FOXN3: variants seen among roughly 807,000 people sequenced by gnomAD.
The protein encoded by FOXN3 is forkhead box N3, also known as forkhead box protein N3.
A neutral mutation model predicts 38.4 loss-of-function variants in FOXN3; 7 were observed. The ratio of observed to expected loss-of-function variants is 0.18; its 90% CI spans 0.10 to 0.34. The LOEUF (loss-of-function observed/expected upper bound fraction) is 0.34. Ranked by LOEUF, FOXN3 falls within the 10% of genes least tolerant of loss-of-function variation. The pLI is 1.00. For synonymous variants in FOXN3, 230 were observed against 242.2 expected, an observed-to-expected ratio of 0.95 and a Z score of 0.47; for missense variants, 456 against 613.4, an observed-to-expected ratio of 0.74 and a Z score of 2.71.
At chr14:89,540,122 ATTGGTG>A (rs1894765867) in intron 1 of FOXN3, among the ~76,000 whole-genome samples, 1 of 152,206 alleles carries the variant, frequency 6.6e-6, no homozygotes, top group Non-Finnish European at 1.5e-5. Flanking sequence ...ACTCCTTCAA[ATTGGTG>A]TTTGCAGCAT....
At chr14:89,332,500 T>C (rs1312133430) in intron 3 of FOXN3, among the ~76,000 whole-genome samples, 1 of 152,200 alleles carries the variant, frequency 6.6e-6, no homozygotes, top group Non-Finnish European at 1.5e-5. Flanking sequence ...CCTTGTCCCT[T>C]AATGCTGGTC....
Position 89,180,795 on chromosome 14 carries a change from C to G in FOXN3, c.757G>C (p.Val253Leu). The change falls in exon 5 of 6, where the codon GTG (valine) becomes CTG (leucine). Residue 253 changes from valine to leucine, a missense_variant. Around this residue, in one of 3 missense-constraint regions of FOXN3, gnomAD observed 386 missense variants for 505.2 expected, o/e 0.76. Coordinates refer to ENST00000557258, the MANE Select transcript of FOXN3 (RefSeq NM_005197.4). ...AGGACCCGCGCTCCATTTTGGATCA[C>G]TCCTGGAGGAACTGAAAAAGCAAAG... ...NGALLQVPPG[V>L]IQNGARVLSR... is the part of the protein sequence containing the mutation. 1 of 1,608,142 alleles carries G rather than the reference C, an allele frequency of 6.2e-7. No homozygotes were observed. The highest frequency in any genetic ancestry group is 8.5e-7 in the Non-Finnish European group (1 of 1,176,448).
At chr14:89,491,471 CA>C (rs1283435300) in intron 1 of FOXN3, among the ~76,000 whole-genome samples, 1 of 152,190 alleles carries the variant, frequency 6.6e-6, no homozygotes, top group Non-Finnish European at 1.5e-5. Context: ...ACGGTGAGAG[CA>C]AATGCCTATG....
intron 1 of FOXN3, among the ~76,000 whole-genome samples, chr14:89,514,231 T>G (rs1016025499): frequency 4.6e-5 from 7 of 152,344 alleles, no homozygotes; most frequent in African/African-American, 1.4e-4. Flanking sequence ...CCACTCCTGC[T>G]GCACAGGGCC....
intron 4 of FOXN3, among the ~76,000 whole-genome samples, chr14:89,233,004 A>T (rs1884864497): frequency 6.6e-6 from 1 of 152,180 alleles, no homozygotes; most frequent in East Asian, 1.9e-4. Flanking sequence ...CCTTCCTTTC[A>T]GCCTGTGCTG....
chr14:89,186,073 G>A (rs954180887), intron 4 of FOXN3, among the ~76,000 whole-genome samples: 3 of 152,204 alleles, frequency 2.0e-5, no homozygotes, highest in Admixed American at 6.5e-5. Context: ...CCTTTGGAGG[G>A]CAGCCCTGGC....
chr14:89,244,364 T>G (rs565278360), intron 4 of FOXN3, among the ~76,000 whole-genome samples: 1 of 152,298 alleles, frequency 6.6e-6, no homozygotes, highest in African/African-American at 2.4e-5. Flanking sequence ...CTATAAGCCC[T>G]CCTATTGTAT....
chr14:89,202,841 C>T (rs146439831), intron 4 of FOXN3, among the ~76,000 whole-genome samples: 1 of 152,244 alleles, frequency 6.6e-6, no homozygotes, highest in Non-Finnish European at 1.5e-5. Context: ...GAACCATGAG[C>T]CAGATAAACC....
chr14:89,539,421 A>G (rs915640633), intron 1 of FOXN3, among the ~76,000 whole-genome samples: 1 of 152,244 alleles, frequency 6.6e-6, no homozygotes, highest in African/African-American at 2.4e-5. Flanking sequence ...AGTGAAAATG[A>G]TACATAAAAC....
chr14:89,412,978 A>G lies in FOXN3; in HGVS notation c.-14-488T>C, dbSNP rs565680214. Among the ~76,000 whole-genome samples, 546 of 152,344 alleles carry G rather than the reference A, an allele frequency of 3.6e-3. 2 individuals carry two copies. The highest frequency in any genetic ancestry group is 0.012 in the African/African-American group (509 of 41,582). On this transcript the variant is annotated intron_variant, in intron 1 of 5. Coordinates refer to ENST00000557258, the MANE Select transcript of FOXN3 (RefSeq NM_005197.4). This position sits in a 1 kb window ranked among gnomAD's most constrained non-coding sequence, Gnocchi z 4.7. Reference sequence around the variant, plus strand: ...TAGAGCTGGTGAAAAAAGTCAGGAGAGCAACTGCCAGTTTCAAGACAGCAA... The same window carrying G: ...TAGAGCTGGTGAAAAAAGTCAGGAGGGCAACTGCCAGTTTCAAGACAGCAA...
At chr14:89,294,208 C>T (rs1389607658) in intron 3 of FOXN3, among the ~76,000 whole-genome samples, 1 of 152,186 alleles carries the variant, frequency 6.6e-6, no homozygotes, top group African/African-American at 2.4e-5. Context: ...GCCTCTCTCC[C>T]CACAGCAGGC....
intron 2 of FOXN3, among the ~76,000 whole-genome samples, chr14:89,379,228 A>G (rs1012460987): frequency 6.6e-6 from 1 of 151,984 alleles, no homozygotes; most frequent in African/African-American, 2.4e-5. Context: ...TCCCCATCTG[A>G]CCTTCACTCG....
intron 2 of FOXN3, among the ~76,000 whole-genome samples, chr14:89,380,827 A>G (rs1465938784): frequency 2.0e-5 from 3 of 152,132 alleles, no homozygotes; most frequent in Non-Finnish European, 4.4e-5. Flanking sequence ...AGAGCTCTAC[A>G]TGTTAAGACT....
intron 1 of FOXN3, among the ~76,000 whole-genome samples, chr14:89,589,657 C>T (rs997864863): frequency 2.1e-5 from 3 of 140,898 alleles, no homozygotes; most frequent in Non-Finnish European, 3.0e-5. Context: ...AAGTTGGATG[C>T]TTTCTACCCT....
chr14:89,580,463 G>A (rs1177659635), intron 1 of FOXN3, among the ~76,000 whole-genome samples: 1 of 152,178 alleles, frequency 6.6e-6, no homozygotes, highest in Non-Finnish European at 1.5e-5. Flanking sequence ...CCACATAACA[G>A]TGCCATATAT....
At chr14:89,205,853 C>G (rs571847794) in intron 4 of FOXN3, among the ~76,000 whole-genome samples, 1 of 152,266 alleles carries the variant, frequency 6.6e-6, no homozygotes, top group Non-Finnish European at 1.5e-5. Flanking sequence ...CGTCTGCATG[C>G]TCCCCTTAGG....
chr14:89,483,471 C>T lies in FOXN3; in HGVS notation c.-14-70981G>A, dbSNP rs536842434. ...TCACCCAGGTTGGAATGCAATAGCG[C>T]GATCTCGGCTCACTGCAACCTCTGC... is the stretch of plus-strand genomic sequence containing the variant. On this transcript the variant is annotated intron_variant, in intron 1 of 6. Coordinates refer to the FOXN3 transcript ENST00000345097. 3.9e-5 allele frequency among the ~76,000 whole-genome samples: 6 copies of T among 152,258 alleles called. No individual in the cohort carries two copies. The South Asian group carries it at 8.3e-4, about 21-fold the overall frequency.
In FOXN3 at chr14:89,404,306, G is replaced by C. The variant is rs1173765322; in HGVS notation, c.543+7628C>G. Among the ~76,000 whole-genome samples the C allele has an allele frequency of 2.0e-5, 3 of 151,604 alleles. No homozygotes were observed. The East Asian group carries it at 5.8e-4, about 29-fold the overall frequency. On this transcript the variant is annotated intron_variant, in intron 2 of 5. Coordinates refer to ENST00000557258, the MANE Select transcript of FOXN3 (RefSeq NM_005197.4). ...GGGCAGATCACAAGGTCAGGAGTTC[G>C]AGACCAGCCTGACCAACAAACACCC...
At chr14:89,354,330 C>T (rs1889107267) in intron 2 of FOXN3, among the ~76,000 whole-genome samples, 1 of 151,124 alleles carries the variant, frequency 6.6e-6, no homozygotes, top group South Asian at 2.1e-4. Flanking sequence ...CAGGTTCAAG[C>T]CTCTCCTGCC....
Sources: allele counts gnomAD v4.1 joint callset (sites outside exome capture counted in the v4.1 genomes callset), GRCh38; gene constraint gnomAD v4.1.1; regional missense constraint gnomAD v4.1.1; non-coding constraint Gnocchi (gnomAD v3.1); transcripts MANE v1.5; gene names NCBI Gene and HGNC (gene_info 2026-07-23, HGNC 2026-07-21).